Variants in SPATA17 observed in about 807,000 individuals in gnomAD.
SPATA17 encodes the protein spermatogenesis-associated protein 17.
Under a neutral mutation model 62.2 loss-of-function variants are expected in SPATA17, and 53 were observed. The observed-to-expected ratio is 0.85, with a 90% CI of 0.68 to 1.07. SPATA17 has a LOEUF of 1.07. Among genes scored for constraint, SPATA17 ranks in the 50% least tolerant of loss-of-function variants. The pLI is 0.00. For synonymous variants in SPATA17, 146 were observed against 146.8 expected (o/e 0.99, Z 0.04); for missense variants, 466 against 425.5 (o/e 1.10, Z -0.84).
chr1:217,772,696 A>G (rs1271913466), intron 6 of SPATA17, among the ~76,000 whole-genome samples: 2 of 152,158 alleles, frequency 1.3e-5, no homozygotes, highest in Admixed American at 6.5e-5. Flanking sequence ...GTTATTCTAG[A>G]TAAGCATTTA....
intron 9 of SPATA17, among the ~76,000 whole-genome samples, chr1:217,840,486 A>T (rs1210874346): frequency 1.3e-5 from 2 of 152,128 alleles, no homozygotes; most frequent in Admixed American, 6.6e-5. Flanking sequence ...CCTATTAACC[A>T]TTACACTATA....
At chr1:217,718,954 T>C (rs951730144) in intron 5 of SPATA17, among the ~76,000 whole-genome samples, 1 of 152,214 alleles carries the variant, frequency 6.6e-6, no homozygotes, top group African/African-American at 2.4e-5. Context: ...AGATTCTTGG[T>C]TGTGGTCACT....
Position 217,850,632 on chromosome 1 carries a change from A to G in SPATA17, c.1006-12142A>G. On this transcript the variant is annotated intron_variant, in intron 9 of 10. Coordinates refer to ENST00000366933, the MANE Select transcript of SPATA17 (RefSeq NM_138796.4). The stretch of plus-strand genomic sequence containing the variant: ...AGTCAGGGTCTTCACGAAGATCTGC[A>G]TTTTGACCTGTTAGCAGATACGAGG... 8 of 1,589,082 alleles carry G rather than the reference A, an allele frequency of 5.0e-6. No homozygotes were observed. The South Asian group carries it at 7.7e-5, about 15-fold the overall frequency.
chr1:217,641,678 CA>C (rs1347700055), intron 1 of SPATA17, among the ~76,000 whole-genome samples: 1 of 151,992 alleles, frequency 6.6e-6, no homozygotes, highest in Non-Finnish European at 1.5e-5. Context: ...AGAGAAATAA[CA>C]AGTATAATAC....
chr1:217,841,506 A>G (rs879489057), intron 9 of SPATA17, among the ~76,000 whole-genome samples: 3 of 152,016 alleles, frequency 2.0e-5, no homozygotes, highest in African/African-American at 4.8e-5. Flanking sequence ...ACAATGTTCT[A>G]CATTCACCCG....
chr1:217,786,750 TTTCTTCTTC>T lies in SPATA17; in HGVS notation c.872+4483_872+4491del, dbSNP rs35648538. Among the ~76,000 whole-genome samples the T allele has an allele frequency of 6.0e-3, 648 of 107,528 alleles. 2 individuals carry two copies. The highest frequency in any genetic ancestry group is 0.019 in the African/African-American group (547 of 28,190). 70.5% of individuals were successfully genotyped at this position (107,528 alleles called of 152,430 possible). A position where few individuals can be genotyped will look rare whatever the true frequency, so the allele number is the denominator to read the frequency against. On this transcript the variant is annotated intron_variant, in intron 8 of 10. Transcript: ENST00000366933. ...AATGATAGAAGGATTTGATATTCTCTTTCTTCTTCTTCTTCTTCTTCTTCTTCTTCTTCT... is the reference window on the plus strand; with the variant it reads ...AATGATAGAAGGATTTGATATTCTCTTTCTTCTTCTTCTTCTTCTTCTTCT...
At chr1:217,817,285 A>T (rs915874352) in intron 9 of SPATA17, among the ~76,000 whole-genome samples, 8 of 151,930 alleles carry the variant, frequency 5.3e-5, no homozygotes, top group African/African-American at 1.9e-4. Context: ...GGTGGGAGAG[A>T]CCTACTGGAG....
At chr1:217,667,450 C>T (rs1051707891) in intron 3 of SPATA17, among the ~76,000 whole-genome samples, 2 of 152,112 alleles carry the variant, frequency 1.3e-5, no homozygotes, top group African/African-American at 4.8e-5. Context: ...ATGTCCTGAG[C>T]ACCTTAGATA....
At position 217,801,711 on chromosome 1, in the gene SPATA17, C is replaced by T. The variant is rs1351029197; in HGVS notation, c.873-7C>T. The stretch of plus-strand genomic sequence containing the variant: ...AGTTAAGAATAGCTCTTAAATATTT[C>T]TTTCAGGTTTTTGCCATTTTCTTCA... On this transcript the variant is annotated splice_region_variant and splice_polypyrimidine_tract_variant and intron_variant, in intron 8 of 10. Coordinates refer to ENST00000366933, the MANE Select transcript of SPATA17 (RefSeq NM_138796.4). 4 of 1,586,112 alleles carry T rather than the reference C, an allele frequency of 2.5e-6. No homozygotes were observed. The highest frequency in any genetic ancestry group is 3.4e-6 in the Non-Finnish European group (4 of 1,169,986).
chr1:217,682,285 T>C (rs562419693), intron 4 of SPATA17, among the ~76,000 whole-genome samples: 1 of 152,030 alleles, frequency 6.6e-6, no homozygotes, highest in East Asian at 1.9e-4. Context: ...TGACTGATTC[T>C]CATGGTTCCT....
chr1:217,803,133 C>T (rs972676017), intron 9 of SPATA17, among the ~76,000 whole-genome samples: 1 of 152,124 alleles, frequency 6.6e-6, no homozygotes, highest in African/African-American at 2.4e-5. Flanking sequence ...ACGATGGTCT[C>T]CTTCTCCTGA....
At chr1:217,721,234 T>A (rs1377663613) in intron 5 of SPATA17, among the ~76,000 whole-genome samples, 5 of 152,212 alleles carry the variant, frequency 3.3e-5, no homozygotes, top group African/African-American at 1.2e-4. Flanking sequence ...ATCTTTTAAA[T>A]AAGTGGATCT....
At chr1:217,715,907 C>G (rs1386193355) in intron 5 of SPATA17, among the ~76,000 whole-genome samples, 1 of 152,126 alleles carries the variant, frequency 6.6e-6, no homozygotes, top group Non-Finnish European at 1.5e-5. Context: ...TAAATGCTGT[C>G]TTTGTAGTCT....
chr1:217,863,669 A>C (rs1011931121), intron 10 of SPATA17, among the ~76,000 whole-genome samples: 1 of 152,202 alleles, frequency 6.6e-6, no homozygotes, highest in South Asian at 2.1e-4. Context: ...GAACCATATA[A>C]AATTCAAGAA....
intron 8 of SPATA17, among the ~76,000 whole-genome samples, chr1:217,790,237 GA>G (rs1285803378): frequency 6.6e-6 from 1 of 152,066 alleles, no homozygotes; most frequent in Non-Finnish European, 1.5e-5. Flanking sequence ...ACAACTCGGG[GA>G]CCTATGGTAA....
At chr1:217,804,792 C>G (rs1208623838) in intron 9 of SPATA17, among the ~76,000 whole-genome samples, 4 of 152,068 alleles carry the variant, frequency 2.6e-5, no homozygotes, top group African/African-American at 9.7e-5. Context: ...AGAAGATGCT[C>G]AACATCACTA....
intron 6 of SPATA17, among the ~76,000 whole-genome samples, chr1:217,748,559 A>G (rs1672821900): frequency 6.6e-6 from 1 of 151,812 alleles, no homozygotes; most frequent in African/African-American, 2.4e-5. Flanking sequence ...CCTGGCCAAC[A>G]TGGTGAAACC....
rs761639233 is a variant in SPATA17 at position 217,742,103 on chromosome 1, G to A, written c.519+5G>A. 12 of 1,613,810 alleles carry A rather than the reference G, an allele frequency of 7.4e-6. No individual in the cohort carries two copies. The East Asian group carries it at 2.5e-4, about 33-fold the overall frequency. ...TACCTCCTCAGCACAAAGCAGGTTG[G>A]TTTACCTGTCCCTGACAGCTCCTGT... On this transcript the variant is annotated splice_donor_5th_base_variant and intron_variant, in intron 6 of 10. Transcript: ENST00000366933.
At chr1:217,704,052 T>G (rs1388801342) in intron 5 of SPATA17, among the ~76,000 whole-genome samples, 1 of 150,756 alleles carries the variant, frequency 6.6e-6, no homozygotes, top group Non-Finnish European at 1.5e-5. Context: ...TTTTTTGTTG[T>G]TGTTGTTTCT....
Sources: allele counts gnomAD v4.1 joint callset (sites outside exome capture counted in the v4.1 genomes callset), GRCh38; gene constraint gnomAD v4.1.1; transcripts MANE v1.5; gene names NCBI Gene and HGNC (gene_info 2026-07-23, HGNC 2026-07-21).